Variants in TMPRSS11B observed in about 807,000 individuals in gnomAD.
The protein encoded by TMPRSS11B is transmembrane serine protease 11B, also known as transmembrane protease serine 11B.
Under a neutral mutation model 44.7 loss-of-function variants are expected in TMPRSS11B, and 53 were observed. That is an observed-to-expected ratio of 1.19 (90% CI 0.95 to 1.49). TMPRSS11B has a LOEUF of 1.49. Among genes scored for constraint, TMPRSS11B ranks in the 40% most tolerant of loss-of-function variants. TMPRSS11B has a pLI of 0.00. For missense variants in TMPRSS11B, 526 were observed against 494.8 expected, an observed-to-expected ratio of 1.06 and a Z score of -0.60; for synonymous variants, 140 against 159.2, an observed-to-expected ratio of 0.88 and a Z score of 0.91.
At chr4:68,245,118 T>C (rs1719963453) in intron 1 of TMPRSS11B, among the ~76,000 whole-genome samples, 2 of 152,196 alleles carry the variant, frequency 1.3e-5, no homozygotes, top group Non-Finnish European at 2.9e-5. Context: ...TAATTCAGAA[T>C]CTATATTAGA....
In TMPRSS11B at chr4:68,235,839, C is replaced by CT. The variant is rs1007137103; in HGVS notation, c.308+162dup. 9.3e-5 allele frequency among the ~76,000 whole-genome samples: 14 copies of CT among 151,068 alleles called. No individual in the cohort carries two copies. The South Asian group carries it at 1.3e-3, about 14-fold the overall frequency. On this transcript the variant is annotated intron_variant, in intron 4 of 9. Transcript: ENST00000332644. The stretch of plus-strand genomic sequence containing the variant: ...CATGGAGAACTTGATCTTTCTTTTT[C>CT]TTTTTTTTTCTATTTCCTTCGTTCC...
chr4:68,234,690 A>C (rs768499343), intron 4 of TMPRSS11B, 67 bp from the exon 5 acceptor site: 5 of 1,486,276 alleles, frequency 3.4e-6, no homozygotes, highest in Non-Finnish European at 4.6e-6. Context: ...GAACACATTA[A>C]ATTTCACACA....
chr4:68,236,046 G>A lies in TMPRSS11B; in HGVS notation c.264C>T (p.Ser88=). The A allele has an allele frequency of 1.3e-6, 2 of 1,591,530 alleles. No individual in the cohort carries two copies. The highest frequency in any genetic ancestry group is 1.2e-5 in the South Asian group (1 of 85,094). ...ETKMLNAFQN[S]SIYKEYVKSE... The stretch of plus-strand genomic sequence containing the variant: ...ATTTGACATATTCCTTATATATACT[G>A]GAATTTTGAAATGCATTTAACATCT... Residue 88 remains serine (S), a synonymous_variant, in exon 4 of 10, where the codon TCC becomes TCT. Transcript: ENST00000332644.
At chr4:68,242,741 T>C (rs1309683824) in intron 1 of TMPRSS11B, among the ~76,000 whole-genome samples, 1 of 151,750 alleles carries the variant, frequency 6.6e-6, no homozygotes, top group Non-Finnish European at 1.5e-5. Flanking sequence ...CAGCTATTTT[T>C]TTGTAATAGA....
Position 68,226,854 on chromosome 4 carries a change from A to C in TMPRSS11B, c.*1057T>G, listed in dbSNP as rs1220178769. ...ATTATTTTTGCTGCAAGAGAAAGCAAACAAATGACAAAAGGTGAATATGAA... is the reference window on the plus strand; with the variant it reads ...ATTATTTTTGCTGCAAGAGAAAGCACACAAATGACAAAAGGTGAATATGAA... On this transcript the variant is annotated 3_prime_UTR_variant, in exon 10 of 10. Transcript: ENST00000332644. 6.6e-6 allele frequency: 1 copy of C among 152,316 alleles called. No individual in the cohort carries two copies. The highest frequency in any genetic ancestry group is 1.9e-4 in the East Asian group (1 of 5,182). 9.4% of individuals were successfully genotyped at this position (152,316 alleles called of 1,614,324 possible).
chr4:68,238,103 T>A (rs943064091), intron 2 of TMPRSS11B, among the ~76,000 whole-genome samples: 1 of 152,178 alleles, frequency 6.6e-6, no homozygotes, highest in Non-Finnish European at 1.5e-5. Context: ...TGAGAGCAAT[T>A]GTGCTTTTGA....
chr4:68,235,290 T>G (rs1299715885), intron 4 of TMPRSS11B, among the ~76,000 whole-genome samples: 1 of 152,246 alleles, frequency 6.6e-6, no homozygotes, highest in African/African-American at 2.4e-5. Context: ...CAAATAATTA[T>G]GATCAATTCT....
In TMPRSS11B at chr4:68,234,529, AT is replaced by A; in HGVS notation, c.402del (p.Lys134AsnfsTer6). On this transcript the variant is annotated frameshift_variant, in exon 5 of 10. Transcript: ENST00000332644. LOFTEE classifies it high-confidence loss of function. ...ATGTTGTTTTTCAACATCTGATGTA[AT>A]TTAGCCTTGATTTTAGTCCTCATGC... is the stretch of plus-strand genomic sequence containing the variant. ...GVSMRTKIKA[K>X]LHQMLKNNMA... is the part of the protein sequence containing the mutation. The A allele has an allele frequency of 1.2e-6, 2 of 1,613,988 alleles. No homozygotes were observed. The highest frequency in any genetic ancestry group is 1.7e-6 in the Non-Finnish European group (2 of 1,179,950).
rs141201109 is a variant in TMPRSS11B at position 68,228,929 on chromosome 4, C to T, written c.947-45G>A. Reference sequence around the variant, plus strand: ...CATATTATGCAGATCTTAGACTTTGCTGGGACAAAGAATATCTACCTATAG... The same window carrying T: ...CATATTATGCAGATCTTAGACTTTGTTGGGACAAAGAATATCTACCTATAG... On this transcript the variant is annotated intron_variant, in intron 8 of 9. Transcript: ENST00000332644. 156 of 1,582,674 alleles carry T rather than the reference C, an allele frequency of 9.9e-5. No homozygotes were observed. The African/African-American group carries it at 1.9e-3, about 20-fold the overall frequency.
intron 1 of TMPRSS11B, among the ~76,000 whole-genome samples, chr4:68,244,493 G>A (rs990779561): frequency 8.5e-5 from 13 of 152,210 alleles, no homozygotes; most frequent in African/African-American, 2.7e-4. Flanking sequence ...GGGTGTGGTG[G>A]TGAGCATCTG....
At position 68,231,073 on chromosome 4, in the gene TMPRSS11B, G is replaced by A. The variant is rs960030827; in HGVS notation, c.686+130C>T. 6 of 723,900 alleles carry A rather than the reference G, an allele frequency of 8.3e-6. No individual in the cohort carries two copies. The African/African-American group carries it at 9.2e-5, about 11-fold the overall frequency. The allele number at this position is 723,900 out of a possible 1,614,324, so 44.8% of individuals were successfully genotyped here. A position where few individuals can be genotyped will look rare whatever the true frequency, so the allele number is the denominator to read the frequency against. ...CTGCTCTTTAATTACGCAGGTGATT[G>A]TAAATGTTCTATGTGATTGTAAATT... On this transcript the variant is annotated intron_variant, in intron 7 of 9. Coordinates refer to ENST00000332644, the MANE Select transcript of TMPRSS11B (RefSeq NM_182502.3).
At position 68,245,555 on chromosome 4, in the gene TMPRSS11B, A is replaced by G; in HGVS notation, c.4T>C (p.Tyr2His). 1 of 1,613,602 alleles carries G rather than the reference A, an allele frequency of 6.2e-7. No individual in the cohort carries two copies. The highest frequency in any genetic ancestry group is 8.5e-7 in the Non-Finnish European group (1 of 1,179,634). The change falls in exon 1 of 10, where the codon TAC becomes CAC. Residue 2 changes from tyrosine (Y) to histidine (H), a missense_variant. By Grantham distance (83) the Tyr-to-His change is moderately conservative. Coordinates refer to ENST00000332644, the MANE Select transcript of TMPRSS11B (RefSeq NM_182502.3). M[Y>H]RHGISSQRSW... ...CCCCAGTGAAGTCCCCTTTACCTGTACATAATGTTCTGATTGTTATGGCAG... is the reference window on the plus strand; with the variant it reads ...CCCCAGTGAAGTCCCCTTTACCTGTGCATAATGTTCTGATTGTTATGGCAG...
chr4:68,234,046 C>T lies in TMPRSS11B; in HGVS notation c.469+417G>A, dbSNP rs532636679. Among the ~76,000 whole-genome samples, 53 of 151,962 alleles carry T rather than the reference C, an allele frequency of 3.5e-4. 1 individual carries two copies. The South Asian group carries it at 0.011, about 31-fold the overall frequency. On this transcript the variant is annotated intron_variant, in intron 5 of 9. Transcript: ENST00000332644. ...AATTAGCCAGGTGTGGTGGCGGATGCTTGTAGTCCCAGGCTGAGGCAGGAG... is the reference window on the plus strand; with the variant it reads ...AATTAGCCAGGTGTGGTGGCGGATGTTTGTAGTCCCAGGCTGAGGCAGGAG...
intron 2 of TMPRSS11B, among the ~76,000 whole-genome samples, chr4:68,239,663 G>A (rs956951847): frequency 7.9e-5 from 12 of 152,112 alleles, no homozygotes; most frequent in Non-Finnish European, 4.4e-5. Context: ...AGTTTATCAA[G>A]TCTTTTTTCT....
chr4:68,239,788 T>G (rs1215213450), intron 2 of TMPRSS11B, among the ~76,000 whole-genome samples: 1 of 152,154 alleles, frequency 6.6e-6, no homozygotes, highest in Admixed American at 6.5e-5. Flanking sequence ...ATGGGTAAGG[T>G]CATGCCCCGG....
intron 4 of TMPRSS11B, among the ~76,000 whole-genome samples, chr4:68,235,349 G>T (rs1020444944): frequency 1.3e-5 from 2 of 152,072 alleles, no homozygotes; most frequent in African/African-American, 2.4e-5. Context: ...GGTTGGTTAG[G>T]TCAGCTGGAT....
intron 9 of TMPRSS11B, 25 bp from the exon 10 acceptor site, chr4:68,228,097 T>C: frequency 1.3e-6 from 2 of 1,569,646 alleles, no homozygotes; most frequent in Non-Finnish European, 1.7e-6. Context: ...GAAAAAAATG[T>C]TTCTTGTCTT....
intron 5 of TMPRSS11B, among the ~76,000 whole-genome samples, chr4:68,233,385 G>T (rs1429323461): frequency 1.3e-5 from 2 of 152,164 alleles, no homozygotes; most frequent in Non-Finnish European, 2.9e-5. Flanking sequence ...ACTGGACTCT[G>T]AAATCATATG....
chr4:68,234,430 T>C, intron 5 of TMPRSS11B, 33 bp downstream of exon 5: 12 of 1,589,210 alleles, frequency 7.6e-6, no homozygotes, highest in South Asian at 2.3e-5. Flanking sequence ...AAAAAACCTA[T>C]GTAATAGAAA....
Sources: gnomAD v4.1 joint callset for allele counts (sites outside exome capture counted in the v4.1 genomes callset) on GRCh38, gnomAD v4.1.1 for gene constraint, MANE v1.5 for transcripts, NCBI Gene and HGNC (gene_info 2026-07-23, HGNC 2026-07-21) for gene names.